Variants in SLC22A23 observed in about 807,000 individuals in gnomAD.
The protein encoded by SLC22A23 is ion transporter protein.
A neutral mutation model predicts 61.0 loss-of-function variants in SLC22A23; 26 were observed. That is an observed-to-expected ratio of 0.43 (90% confidence interval 0.31 to 0.59). SLC22A23 has a LOEUF of 0.59. Among genes scored for constraint, SLC22A23 ranks in the 20% least tolerant of loss-of-function variants. SLC22A23 has a pLI of 0.11. For synonymous variants in SLC22A23, 430 were observed against 413.9 expected, an observed-to-expected ratio of 1.04 and a Z score of -0.47; for missense variants, 796 against 934.7, an observed-to-expected ratio of 0.85 and a Z score of 1.94.
intron 3 of SLC22A23, among the ~76,000 whole-genome samples, chr6:3,378,419 A>G (rs1472562819): frequency 1.3e-5 from 2 of 152,146 alleles, no homozygotes; most frequent in Non-Finnish European, 2.9e-5. Context: ...ACTTTTTACA[A>G]AGCGACCATT....
Position 3,450,315 on chromosome 6 carries a change from A to T in SLC22A23, c.654+5591T>A, listed in dbSNP as rs1163396157. On this transcript the variant is annotated intron_variant, in intron 1 of 9. Transcript: ENST00000406686. ...ATGGTAGTCAGTTCAGTATTTTATT[A>T]TTTTTTTTTGAGACGGAGTCTCGCT... Among the ~76,000 whole-genome samples the T allele has an allele frequency of 2.0e-5, 3 of 151,596 alleles. No homozygotes were observed. The East Asian group carries it at 5.8e-4, about 29-fold the overall frequency.
intron 5 of SLC22A23, chr6:3,291,121 G>A (rs1189113539): frequency 1.3e-5 from 2 of 152,222 alleles, no homozygotes; most frequent in African/African-American, 2.4e-5. Flanking sequence ...TACCACGACA[G>A]TATCAGACAT....
chr6:3,416,690 T>C (rs891023527), intron 1 of SLC22A23, among the ~76,000 whole-genome samples: 1 of 152,176 alleles, frequency 6.6e-6, no homozygotes, highest in African/African-American at 2.4e-5. Context: ...ATAAGCAGGG[T>C]CCCTGCTGGC....
Position 3,283,914 on chromosome 6 carries a change from G to T in SLC22A23, c.1641C>A (p.Ala547=), listed in dbSNP as rs774912158. Residue 547 remains alanine (A), a synonymous_variant, in exon 9 of 10, where the codon GCC becomes GCA. Coordinates refer to ENST00000406686, the MANE Select transcript of SLC22A23 (RefSeq NM_015482.2). ...CGCTGAGGCTCCCCACCGCATGGGA[G>T]GCAAACATGCCCACGATGGAAAACG... ...SIAFSIVGMF[A]SHAVGSLSVF... The T allele has an allele frequency of 1.2e-5, 19 of 1,611,478 alleles. No individual in the cohort carries two copies. Among genetic ancestry groups the T allele is most frequent in the Non-Finnish European group, 1.5e-5 (18 of 1,177,874 alleles).
intron 1 of SLC22A23, chr6:3,438,665 AT>A: frequency 2.6e-6 from 1 of 388,800 alleles, no homozygotes; most frequent in Non-Finnish European, 5.1e-6. Context: ...TTTTCTAGTA[AT>A]TAACCGTTAT....
intron 1 of SLC22A23, among the ~76,000 whole-genome samples, chr6:3,420,558 G>T (rs1376694415): frequency 6.6e-6 from 1 of 152,080 alleles, no homozygotes; most frequent in African/African-American, 2.4e-5. Flanking sequence ...AACTAAGGGG[G>T]AAAAACTACC....
intron 1 of SLC22A23, among the ~76,000 whole-genome samples, chr6:3,434,216 G>A (rs2127542878): frequency 6.6e-6 from 1 of 152,260 alleles, no homozygotes; most frequent in South Asian, 2.1e-4. Flanking sequence ...GGGAGGCTGA[G>A]GCAGGAGAAT....
rs772627483 is a variant in SLC22A23, at chr6:3,273,112, T to C, written c.2004A>G (p.Ala668=). ...LKDYSGLHDA[A]AAGDTLPEGA... ...CCTCGGGCAGTGTGTCACCCGCGGCTGCGGCATCGTGGAGGCCCGAGTAGT... is the reference window on the plus strand; with the variant it reads ...CCTCGGGCAGTGTGTCACCCGCGGCCGCGGCATCGTGGAGGCCCGAGTAGT... The change falls in exon 10 of 10, where the codon GCA becomes GCG. Residue 668 remains alanine (A), a synonymous_variant. Coordinates refer to ENST00000406686, the MANE Select transcript of SLC22A23 (RefSeq NM_015482.2). The C allele has an allele frequency of 6.2e-7, 1 of 1,601,634 alleles. No individual in the cohort carries two copies. The highest frequency in any genetic ancestry group is 8.5e-7 in the Non-Finnish European group (1 of 1,175,760).
chr6:3,406,526 CTGTGTGTG>C (rs61072525), intron 3 of SLC22A23, among the ~76,000 whole-genome samples: 2 of 103,284 alleles, frequency 1.9e-5, no homozygotes, highest in Non-Finnish European at 4.8e-5. Context: ...TTTCGACTGC[CTGTGTGTG>C]TGTGTGTGTG....
intron 1 of SLC22A23, among the ~76,000 whole-genome samples, chr6:3,428,120 G>A (rs572937319): frequency 5.3e-5 from 8 of 152,344 alleles, no homozygotes; most frequent in South Asian, 4.1e-4. Flanking sequence ...ATGGGACAGC[G>A]AAAGGAGTAG....
rs75164877 is a variant in SLC22A23 at position 3,270,835 on chromosome 6, CAAAA to C, written c.*2216_*2219del. Reference sequence around the variant, plus strand: ...GGCAGCACTCTACAGCTTCAATTTCCAAAAAAAAAAAAAAGTTTACACGACCAGT... The same window carrying C: ...GGCAGCACTCTACAGCTTCAATTTCCAAAAAAAAAAGTTTACACGACCAGT... On this transcript the variant is annotated 3_prime_UTR_variant, in exon 10 of 10. Coordinates refer to ENST00000406686, the MANE Select transcript of SLC22A23 (RefSeq NM_015482.2). 9.2e-3 allele frequency: 1,302 copies of C among 141,872 alleles called. 28 individuals are homozygous for C. Among genetic ancestry groups the C allele is most frequent in the South Asian group, 0.076 (337 of 4,442 alleles). 8.8% of individuals were successfully genotyped at this position (141,872 alleles called of 1,614,324 possible). A position where few individuals can be genotyped will look rare whatever the true frequency, so the allele number is the denominator to read the frequency against.
intron 3 of SLC22A23, among the ~76,000 whole-genome samples, chr6:3,393,026 A>T (rs947092118): frequency 6.6e-6 from 1 of 152,156 alleles, no homozygotes; most frequent in African/African-American, 2.4e-5. Flanking sequence ...AAAGGAAGGG[A>T]AAAGCCAAGT....
chr6:3,340,715 G>A (rs1257360076), intron 3 of SLC22A23, among the ~76,000 whole-genome samples: 1 of 152,170 alleles, frequency 6.6e-6, no homozygotes, highest in African/African-American at 2.4e-5. Flanking sequence ...GAAAACAGAT[G>A]GGGCTACTGG....
intron 5 of SLC22A23, among the ~76,000 whole-genome samples, chr6:3,293,901 G>A (rs1760841635): frequency 6.6e-6 from 1 of 152,208 alleles, no homozygotes; most frequent in Non-Finnish European, 1.5e-5. Context: ...GGGGCGCTCG[G>A]ATCACACAGA....
chr6:3,360,212 A>T lies in SLC22A23; in HGVS notation c.914-36210T>A, dbSNP rs1429383550. ...GGCTGTGTAAAAATGTGAATTACTT[A>T]ATGCCACTGAATGGTACAATTAAAA... On this transcript the variant is annotated intron_variant, in intron 3 of 9. Transcript: ENST00000406686. This position sits in a 1 kb window ranked among gnomAD's most constrained non-coding sequence, Gnocchi z 4.6. Among the ~76,000 whole-genome samples, 1 of 152,224 alleles carries T rather than the reference A, an allele frequency of 6.6e-6. No homozygotes were observed. Among genetic ancestry groups the T allele is most frequent in the Non-Finnish European group, 1.5e-5 (1 of 68,044 alleles).
In SLC22A23 at chr6:3,321,115, C is replaced by T. The variant is rs188319754; in HGVS notation, c.1082+2719G>A. On this transcript the variant is annotated intron_variant, in intron 4 of 9. Transcript: ENST00000406686. ...AGCTACTAAGTGGCAGAGGTCCAGGCTCTGTGTCCGAGCCTCCCTTCAGAC... is the reference window on the plus strand; with the variant it reads ...AGCTACTAAGTGGCAGAGGTCCAGGTTCTGTGTCCGAGCCTCCCTTCAGAC... Among the ~76,000 whole-genome samples the T allele has an allele frequency of 7.1e-3, 594 of 83,640 alleles. 4 individuals are homozygous for T. The highest frequency in any genetic ancestry group is 0.016 in the African/African-American group (559 of 35,366). 54.9% of individuals were successfully genotyped at this position (83,640 alleles called of 152,430 possible). A position where few individuals can be genotyped will look rare whatever the true frequency, so the allele number is the denominator to read the frequency against.
In SLC22A23 at chr6:3,455,993, C is replaced by T; in HGVS notation, c.567G>A (p.Pro189=). The T allele has an allele frequency of 1.9e-6, 3 of 1,547,518 alleles. No individual in the cohort carries two copies. The highest frequency in any genetic ancestry group is 1.7e-6 in the Non-Finnish European group (2 of 1,146,736). Residue 189 remains proline, a synonymous_variant, in exon 1 of 10, where the codon CCG becomes CCA. Transcript: ENST00000406686. ...GGDTPPLPSP[P]DKGDNASNCD... ...AGTTGGAGGCGTTGTCCCCCTTGTCCGGAGGGGATGGCAGGGGTGGTGTGT... is the reference window on the plus strand; with the variant it reads ...AGTTGGAGGCGTTGTCCCCCTTGTCTGGAGGGGATGGCAGGGGTGGTGTGT...
chr6:3,398,279 A>C (rs1768142590), intron 3 of SLC22A23, among the ~76,000 whole-genome samples: 1 of 151,790 alleles, frequency 6.6e-6, no homozygotes, highest in Non-Finnish European at 1.5e-5. Context: ...CCTACCCCCA[A>C]CCCTGATAAT....
Position 3,283,935 on chromosome 6 carries a change from A to C in SLC22A23, c.1620T>G (p.Phe540Leu). Residue 540 changes from phenylalanine to leucine, a missense_variant, in exon 9 of 10, where the codon TTT becomes TTG. Phe to Leu is a conservative substitution (Grantham distance 22, BLOSUM62 0). Coordinates refer to ENST00000406686, the MANE Select transcript of SLC22A23 (RefSeq NM_015482.2). ...DSVKDKFSIA[F>L]SIVGMFASHA... is the part of the protein sequence containing the mutation. ...GGGAGGCAAACATGCCCACGATGGA[A>C]AACGCGATGGAAAATTTGTCCTTGA... 6.2e-7 allele frequency: 1 copy of C among 1,608,724 alleles called. No individual in the cohort carries two copies. Among genetic ancestry groups the C allele is most frequent in the Non-Finnish European group, 8.5e-7 (1 of 1,175,502 alleles).
Sources: allele counts gnomAD v4.1 joint callset (sites outside exome capture counted in the v4.1 genomes callset), GRCh38; gene constraint gnomAD v4.1.1; non-coding constraint Gnocchi (gnomAD v3.1); transcripts MANE v1.5; gene names NCBI Gene and HGNC (gene_info 2026-07-23, HGNC 2026-07-21).